EXOSC7: variants seen among roughly 807,000 people sequenced by gnomAD.
EXOSC7 encodes the protein exosome complex component RRP42.
In EXOSC7, 25 loss-of-function variants were observed where a neutral mutation model predicts 34.3. The ratio of observed to expected loss-of-function variants is 0.73; its 90% CI spans 0.53 to 1.02. EXOSC7 has a LOEUF of 1.02. Ranked by LOEUF, EXOSC7 falls within the 50% of genes least tolerant of loss-of-function variation. The pLI, the probability that EXOSC7 is intolerant of heterozygous loss-of-function variation, is 0.00. For missense variants in EXOSC7, 370 were observed against 368.5 expected (o/e 1.00, Z -0.03); for synonymous variants, 130 against 143.0 (o/e 0.91, Z 0.65).
At chr3:45,005,620 T>C (rs13314063) in intron 6 of EXOSC7, among the ~76,000 whole-genome samples, 146,749 of 152,276 alleles carry the variant, frequency 0.96, 70,934 homozygotes, top group Middle Eastern at 1. Context: ...GAAGATATGA[T>C]GTGGTCCTGG....
chr3:44,994,580 T>C (rs937015054), intron 3 of EXOSC7, among the ~76,000 whole-genome samples: 5 of 152,196 alleles, frequency 3.3e-5, no homozygotes, highest in African/African-American at 9.7e-5. Context: ...GAAAGAGTCC[T>C]TGGGCTGTGA....
At chr3:44,986,544 C>T (rs979593934) in intron 1 of EXOSC7, among the ~76,000 whole-genome samples, 4 of 152,240 alleles carry the variant, frequency 2.6e-5, no homozygotes, top group Admixed American at 6.5e-5. Flanking sequence ...AAGGGGCTCC[C>T]GCAGTGCAGC....
intron 1 of EXOSC7, among the ~76,000 whole-genome samples, chr3:44,983,560 T>A (rs1049537944): frequency 6.6e-6 from 1 of 152,156 alleles, no homozygotes; most frequent in Non-Finnish European, 1.5e-5. Flanking sequence ...GTTGTTGTGA[T>A]CACATGGGTA....
downstream of EXOSC7, chr3:45,011,525 C>T (rs564065745): frequency 6.3e-6 from 3 of 479,714 alleles, 1 homozygote; most frequent in East Asian, 3.9e-5. Flanking sequence ...ATTCAGTGAC[C>T]CATCTGGGTC....
At chr3:45,006,335 C>T (rs1707039616) in intron 6 of EXOSC7, among the ~76,000 whole-genome samples, 1 of 151,268 alleles carries the variant, frequency 6.6e-6, no homozygotes, top group Non-Finnish European at 1.5e-5. Flanking sequence ...ACCTCAGCCT[C>T]CCAAAGTGCC....
chr3:45,008,098 C>G lies in EXOSC7; in HGVS notation c.771+523C>G, dbSNP rs192447359. 3.3e-4 allele frequency among the ~76,000 whole-genome samples: 50 copies of G among 152,328 alleles called. 2 individuals are homozygous for G. Among genetic ancestry groups the G allele is most frequent in the Admixed American group, 3.1e-3 (47 of 15,306 alleles). On this transcript the variant is annotated intron_variant, in intron 7 of 7. Coordinates refer to ENST00000265564, the MANE Select transcript of EXOSC7 (RefSeq NM_015004.4). ...GAGTTGGGTTGGGTTGCCCTCATCCCTAGCAGAGCCATCAAGGCGCTTCTA... is the reference window on the plus strand; with the variant it reads ...GAGTTGGGTTGGGTTGCCCTCATCCGTAGCAGAGCCATCAAGGCGCTTCTA...
intron 3 of EXOSC7, among the ~76,000 whole-genome samples, chr3:44,993,790 C>T (rs573433190): frequency 2.0e-5 from 3 of 152,186 alleles, no homozygotes; most frequent in African/African-American, 7.2e-5. Context: ...TGCATATGAG[C>T]AGGCAGCTAC....
At chr3:45,003,292 G>C (rs1184656303) in intron 5 of EXOSC7, among the ~76,000 whole-genome samples, 2 of 152,096 alleles carry the variant, frequency 1.3e-5, no homozygotes, top group African/African-American at 2.4e-5. Context: ...GCCCAGGCTT[G>C]TTGTAGCCAA....
chr3:45,003,551 A>G (rs966098682), intron 5 of EXOSC7, among the ~76,000 whole-genome samples: 3 of 152,130 alleles, frequency 2.0e-5, no homozygotes, highest in African/African-American at 7.2e-5. Context: ...GCAGGGCTCA[A>G]TCATGGGGGG....
chr3:44,987,536 C>T (rs1406089166), intron 1 of EXOSC7, among the ~76,000 whole-genome samples: 2 of 152,158 alleles, frequency 1.3e-5, no homozygotes, highest in Non-Finnish European at 2.9e-5. Flanking sequence ...ACACTGCACT[C>T]CAGCCTGGGC....
At chr3:44,987,183 T>A (rs1265849010) in intron 1 of EXOSC7, among the ~76,000 whole-genome samples, 1 of 152,004 alleles carries the variant, frequency 6.6e-6, no homozygotes, top group Non-Finnish European at 1.5e-5. Flanking sequence ...ATTTGCTTAT[T>A]TGTGCAGAGA....
intron 4 of EXOSC7, among the ~76,000 whole-genome samples, chr3:44,998,039 G>GTTTTTTTTT (rs538691693): frequency 7.4e-6 from 1 of 134,696 alleles, no homozygotes; most frequent in African/African-American, 2.7e-5. Flanking sequence ...TTGTTTTTTT[G>GTTTTTTTTT]TTTTTTTTTT....
At position 44,997,128 on chromosome 3, in the gene EXOSC7, A is replaced by C; in HGVS notation, c.296A>C (p.Asp99Ala). ...ATPEFEGRGGDDLGTEIANTL... is the reference protein window; with the variant it reads ...ATPEFEGRGGADLGTEIANTL... ...CCTGAATTTGAAGGTAGAGGAGGTG[A>C]TGACCTTGGCACCGAGATCGCTAAC... The change falls in exon 4 of 8, where the codon GAT becomes GCT. Residue 99 changes from aspartate to alanine, a missense_variant. Coordinates refer to ENST00000265564, the MANE Select transcript of EXOSC7 (RefSeq NM_015004.4). The C allele has an allele frequency of 6.2e-7, 1 of 1,614,114 alleles. No individual in the cohort carries two copies. The highest frequency in any genetic ancestry group is 8.5e-7 in the Non-Finnish European group (1 of 1,180,020).
intron 5 of EXOSC7, chr3:45,001,924 A>G (rs1477002106): frequency 3.3e-6 from 1 of 302,462 alleles, no homozygotes; most frequent in East Asian, 7.7e-5. Context: ...CTATCCAAAT[A>G]CTATTACTGG....
intron 3 of EXOSC7, among the ~76,000 whole-genome samples, chr3:44,990,140 A>G (rs1023462799): frequency 5.3e-5 from 8 of 152,184 alleles, no homozygotes; most frequent in Admixed American, 2.0e-4. Flanking sequence ...AGGGCTCTGC[A>G]GTGTCTGCAG....
Position 44,998,031 on chromosome 3 carries a change from G to T in EXOSC7, c.420+779G>T, listed in dbSNP as rs868665557. Among the ~76,000 whole-genome samples, 377 of 142,804 alleles carry T rather than the reference G, an allele frequency of 2.6e-3. 2 individuals carry two copies. Among genetic ancestry groups the T allele is most frequent in the African/African-American group, 7.7e-3 (295 of 38,114 alleles). The allele number at this position is 142,804 out of a possible 152,430, so 93.7% of individuals were successfully genotyped here. On this transcript the variant is annotated intron_variant, in intron 4 of 7. Transcript: ENST00000265564. ...GTGTAGCTCTAATTAATTTTTTTTT[G>T]TTTTTTTGTTTTTTTTTTTTTTGAG...
At chr3:45,004,721 G>A (rs1226449090) in intron 5 of EXOSC7, 3 of 151,770 alleles carry the variant, frequency 2.0e-5, no homozygotes, top group Non-Finnish European at 4.4e-5. Flanking sequence ...TATATTCTAC[G>A]TTTGAGTCTT....
intron 1 of EXOSC7, among the ~76,000 whole-genome samples, chr3:44,983,831 A>G (rs1706336736): frequency 6.6e-6 from 1 of 151,134 alleles, no homozygotes; most frequent in South Asian, 2.1e-4. Context: ...AGGTTTGGAC[A>G]ATTTCCTAAG....
intron 2 of EXOSC7, 120 bp from the exon 3 acceptor site, chr3:44,989,430 C>T: frequency 1.1e-6 from 1 of 879,142 alleles, no homozygotes; most frequent in Non-Finnish European, 1.8e-6. Flanking sequence ...AGACCACTTT[C>T]CAAGTCTTAG....
Sources: gnomAD v4.1 joint callset for allele counts (sites outside exome capture counted in the v4.1 genomes callset) on GRCh38, gnomAD v4.1.1 for gene constraint, MANE v1.5 for transcripts, NCBI Gene and HGNC (gene_info 2026-07-23, HGNC 2026-07-21) for gene names.